CAP1: variants seen among roughly 807,000 people sequenced by gnomAD.
The protein encoded by CAP1 is adenylyl cyclase-associated protein 1.
CAP1 carries 11 observed loss-of-function variants against 58.2 expected under a neutral mutation model. The observed-to-expected ratio is 0.19, with a 90% CI of 0.12 to 0.31. The LOEUF is 0.31. Among genes scored for constraint, CAP1 ranks in the 10% least tolerant of loss-of-function variants. CAP1 has a pLI of 1.00. For missense variants in CAP1, 423 were observed against 587.5 expected, an observed-to-expected ratio of 0.72 and a Z score of 2.89; for synonymous variants, 183 against 213.8, an observed-to-expected ratio of 0.86 and a Z score of 1.26.
intron 4 of CAP1, among the ~76,000 whole-genome samples, chr1:40,062,068 G>C (rs115962330): frequency 1.3e-5 from 2 of 152,214 alleles, no homozygotes; most frequent in African/African-American, 2.4e-5. Flanking sequence ...TTGCTTGCCT[G>C]CCTCTTTGCT....
At position 40,064,180 on chromosome 1, in the gene CAP1, T is replaced by A. The variant is rs759717924; in HGVS notation, c.295-47T>A. 4.2e-5 allele frequency: 67 copies of A among 1,603,390 alleles called. No individual in the cohort carries two copies. The South Asian group carries it at 6.0e-4, about 14-fold the overall frequency. ...TTCAGGATCAGAAGGCATAGACACC[T>A]TTGTGGAAAGATGTTAACCTGAATC... On this transcript the variant is annotated intron_variant, in intron 4 of 12. Transcript: ENST00000372805.
At chr1:40,065,934 GAAAA>G in intron 6 of CAP1, among the ~76,000 whole-genome samples, 1 of 148,066 alleles carries the variant, frequency 6.8e-6, no homozygotes, top group East Asian at 2.0e-4. Context: ...GTGGTCAAAA[GAAAA>G]AAAAAAGTTT....
chr1:40,046,312 T>C (rs1646098884), intron 1 of CAP1, among the ~76,000 whole-genome samples: 1 of 152,052 alleles, frequency 6.6e-6, no homozygotes, highest in Non-Finnish European at 1.5e-5. Flanking sequence ...AAAAATTTGC[T>C]GGGTGTGGTG....
Position 40,044,839 on chromosome 1 carries a change from C to A in CAP1, c.-11+4038C>A, listed in dbSNP as rs376826784. On this transcript the variant is annotated intron_variant, in intron 1 of 12. Coordinates refer to ENST00000372805, the MANE Select transcript of CAP1 (RefSeq NM_006367.4). ...TGAGACAGAGTCTCTATCTGTCACC[C>A]AGGCTGGAGTGCAGTGGCACAATCT... Among the ~76,000 whole-genome samples the A allele has an allele frequency of 9.2e-5, 13 of 141,830 alleles. 1 individual carries two copies. Among genetic ancestry groups the A allele is most frequent in the East Asian group, 4.2e-4 (2 of 4,720 alleles). The allele number at this position is 141,830 out of a possible 152,430, so 93.0% of individuals were successfully genotyped here.
intron 10 of CAP1, 68 bp from the exon 11 acceptor site, chr1:40,070,362 A>G (rs1647659932): frequency 6.2e-7 from 1 of 1,602,416 alleles, no homozygotes; most frequent in Non-Finnish European, 8.5e-7. Flanking sequence ...CCCTATCCTT[A>G]AAGATTCCTA....
chr1:40,060,382 G>A (rs1196070127), intron 3 of CAP1, among the ~76,000 whole-genome samples: 2 of 151,970 alleles, frequency 1.3e-5, no homozygotes, highest in Non-Finnish European at 2.9e-5. Flanking sequence ...CTTTTATCAC[G>A]TATTTATACA....
intron 1 of CAP1, among the ~76,000 whole-genome samples, chr1:40,045,919 C>T (rs1037858967): frequency 6.6e-6 from 1 of 152,114 alleles, no homozygotes; most frequent in Non-Finnish European, 1.5e-5. Flanking sequence ...AACCCCTGGC[C>T]TCAGGTGATT....
At position 40,060,099 on chromosome 1, in the gene CAP1, T is replaced by G; in HGVS notation, c.145T>G (p.Ser49Ala). The G allele has an allele frequency of 6.2e-7, 1 of 1,613,816 alleles. No homozygotes were observed. The highest frequency in any genetic ancestry group is 1.3e-5 in the African/African-American group (1 of 75,046). The change falls in exon 3 of 13, where the codon TCG (serine) becomes GCG (alanine). Residue 49 changes from serine to alanine, a missense_variant. Physicochemically the swap from Ser to Ala is moderately conservative, Grantham distance 99 (BLOSUM62 1). Coordinates refer to ENST00000372805, the MANE Select transcript of CAP1 (RefSeq NM_006367.4). The part of the protein sequence containing the change: ...GAAPYVQAFD[S>A]LLAGPVAEYL... ...AGCTCCATATGTGCAGGCATTTGAC[T>G]CGCTGCTTGCTGGTCCTGTGGCAGA...
At chr1:40,061,881 C>A in intron 4 of CAP1, 69 bp downstream of exon 4, 2 of 1,162,042 alleles carry the variant, frequency 1.7e-6, no homozygotes, top group Non-Finnish European at 2.6e-6. Flanking sequence ...TTATGTCAAG[C>A]TATTATAACA....
rs1648197377 is a variant in CAP1 at position 40,072,266 on chromosome 1, A to AAC, written c.*734_*735insCA. 1 of 302,896 alleles carries AAC rather than the reference A, an allele frequency of 3.3e-6. No homozygotes were observed. The highest frequency in any genetic ancestry group is 3.0e-5 in the African/African-American group (1 of 32,930). The allele number at this position is 302,896 out of a possible 1,614,324, so 18.8% of individuals were successfully genotyped here. A position where few individuals can be genotyped will look rare whatever the true frequency, so the allele number is the denominator to read the frequency against. On this transcript the variant is annotated 3_prime_UTR_variant, in exon 13 of 13. Transcript: ENST00000372805. ...GACTTTAAAAGGAAAAAAAAAAAAA[A>AAC]AAAAACCCACATGATTTCAAGGAGT... is the stretch of plus-strand genomic sequence containing the variant.
chr1:40,067,404 T>C (rs1647135447), intron 7 of CAP1, 136 bp from the exon 8 acceptor site: 1 of 636,238 alleles, frequency 1.6e-6, no homozygotes, highest in Admixed American at 3.6e-5. Flanking sequence ...AAGTTGGGTA[T>C]GGGTAGGACA....
At chr1:40,060,570 G>T (rs1042942283) in intron 3 of CAP1, among the ~76,000 whole-genome samples, 13 of 152,048 alleles carry the variant, frequency 8.5e-5, no homozygotes, top group African/African-American at 2.9e-4. Flanking sequence ...GCTAATGTGG[G>T]TTATTTTCAC....
intron 1 of CAP1, among the ~76,000 whole-genome samples, chr1:40,049,759 C>T (rs1570355198): frequency 1.3e-5 from 2 of 152,320 alleles, no homozygotes; most frequent in East Asian, 1.9e-4. Context: ...AAACTGACCT[C>T]ATCTTGTTGC....
chr1:40,071,492 G>A lies in CAP1; in HGVS notation c.1387G>A (p.Gly463Arg), dbSNP rs1195478791. Reference protein sequence around the residue: ...VPEQFKTLWNGQKLVTTVTEI... With the variant: ...VPEQFKTLWNRQKLVTTVTEI... ...TGAGCAGTTCAAGACCCTATGGAAC[G>A]GGCAGAAGTTGGTCACCACAGTGAC... The change falls in exon 13 of 13, where the codon GGG becomes AGG. Residue 463 changes from glycine (G) to arginine (R), a missense_variant. By Grantham distance (125) the Gly-to-Arg change is moderately radical. Transcript: ENST00000372805. 6.8e-6 allele frequency: 11 copies of A among 1,613,624 alleles called. No individual in the cohort carries two copies. The highest frequency in any genetic ancestry group is 1.3e-5 in the African/African-American group (1 of 74,898).
intron 1 of CAP1, among the ~76,000 whole-genome samples, chr1:40,043,795 T>G (rs1645954449): frequency 6.6e-6 from 1 of 152,060 alleles, no homozygotes; most frequent in African/African-American, 2.4e-5. Context: ...GAGACTCGCT[T>G]GAACCCGGGA....
In CAP1 at chr1:40,070,471, G is replaced by A; in HGVS notation, c.1159G>A (p.Gly387Ser). The A allele has an allele frequency of 1.2e-6, 2 of 1,614,092 alleles. No individual in the cohort carries two copies. Among genetic ancestry groups the A allele is most frequent in the Non-Finnish European group, 1.7e-6 (2 of 1,179,970 alleles). ...KLGLVFDDVV[G>S]IVEIINSKDV... ...TGGCCTGGTATTCGATGACGTGGTGGGCATTGTGGAGATAATCAACAGTAA... is the reference window on the plus strand; with the variant it reads ...TGGCCTGGTATTCGATGACGTGGTGAGCATTGTGGAGATAATCAACAGTAA... Residue 387 changes from glycine to serine, a missense_variant, in exon 11 of 13, where the codon GGC becomes AGC. Gly to Ser is a moderately conservative substitution (Grantham distance 56). Coordinates refer to ENST00000372805, the MANE Select transcript of CAP1 (RefSeq NM_006367.4).
At chr1:40,071,277 G>A (rs1647948313) in intron 12 of CAP1, among the ~76,000 whole-genome samples, 173 bp from the exon 13 acceptor site, 1 of 152,318 alleles carries the variant, frequency 6.6e-6, no homozygotes, top group Non-Finnish European at 1.5e-5. Flanking sequence ...TTAATAGTCT[G>A]TCCAAGATCG....
At position 40,072,527 on chromosome 1, in the gene CAP1, CT is replaced by C; in HGVS notation, c.*1002del. ...GACAAACACTTACCAAAATATGCAACTTTTTTTTGGTGGGAAGAGAGATTGT... is the reference window on the plus strand; with the variant it reads ...GACAAACACTTACCAAAATATGCAACTTTTTTTGGTGGGAAGAGAGATTGT... On this transcript the variant is annotated 3_prime_UTR_variant, in exon 13 of 13. Coordinates refer to ENST00000372805, the MANE Select transcript of CAP1 (RefSeq NM_006367.4). 3.9e-5 allele frequency: 6 copies of C among 155,350 alleles called. No homozygotes were observed. Among genetic ancestry groups the C allele is most frequent in the Non-Finnish European group, 7.1e-5 (5 of 70,092 alleles). The allele number at this position is 155,350 out of a possible 1,614,324, so 9.6% of individuals were successfully genotyped here.
chr1:40,048,252 A>C (rs1646195945), intron 1 of CAP1, among the ~76,000 whole-genome samples: 1 of 152,064 alleles, frequency 6.6e-6, no homozygotes, highest in Non-Finnish European at 1.5e-5. Context: ...CATGTTGGCC[A>C]GGCTGGTCTC....
Sources: gnomAD v4.1 joint callset for allele counts (sites outside exome capture counted in the v4.1 genomes callset) on GRCh38, gnomAD v4.1.1 for gene constraint, MANE v1.5 for transcripts, NCBI Gene and HGNC (gene_info 2026-07-23, HGNC 2026-07-21) for gene names.